PIK3C2A: variants seen among roughly 807,000 people sequenced by gnomAD.
PIK3C2A encodes the protein phosphatidylinositol-4-phosphate 3-kinase catalytic subunit type 2 alpha, also known as phosphatidylinositol 4-phosphate 3-kinase C2 domain-containing subunit alpha.
Under a neutral mutation model 204.5 loss-of-function variants are expected in PIK3C2A, and 97 were observed. The observed-to-expected ratio is 0.47, with a 90% confidence interval of 0.40 to 0.56. The LOEUF is 0.56. Ranked by LOEUF, PIK3C2A falls within the 20% of genes least tolerant of loss-of-function variation. The pLI is 0.00. For missense variants in PIK3C2A, 1,735 were observed against 1,969.2 expected, an observed-to-expected ratio of 0.88 and a Z score of 2.25; for synonymous variants, 653 against 664.4, an observed-to-expected ratio of 0.98 and a Z score of 0.26.
chr11:17,126,142 CAAAA>C (rs932999697), intron 13 of PIK3C2A, among the ~76,000 whole-genome samples: 2 of 151,674 alleles, frequency 1.3e-5, no homozygotes, highest in African/African-American at 4.8e-5. Context: ...AAAACAAAAA[CAAAA>C]AAAACTTTGC....
At chr11:17,203,172 T>C (rs1232726906) in intron 1 of PIK3C2A, among the ~76,000 whole-genome samples, 3 of 152,158 alleles carry the variant, frequency 2.0e-5, no homozygotes, top group East Asian at 3.8e-4. Flanking sequence ...TGCACTCTCA[T>C]TGTGTTTTAA....
chr11:17,146,179 T>C (rs1245221288), intron 6 of PIK3C2A, among the ~76,000 whole-genome samples: 1 of 152,222 alleles, frequency 6.6e-6, no homozygotes, highest in African/African-American at 2.4e-5. Flanking sequence ...TCAAGCCTAC[T>C]TTCAGATATA....
intron 28 of PIK3C2A, among the ~76,000 whole-genome samples, chr11:17,092,889 A>C (rs1012163666): frequency 1.3e-5 from 2 of 152,186 alleles, no homozygotes; most frequent in African/African-American, 4.8e-5. Flanking sequence ...ATTTTCTAAT[A>C]TTTCTTCTCA....
chr11:17,131,532 C>T (rs1430750502), intron 12 of PIK3C2A, among the ~76,000 whole-genome samples: 1 of 150,182 alleles, frequency 6.7e-6, no homozygotes, highest in Non-Finnish European at 1.5e-5. Flanking sequence ...TGACATTCTC[C>T]TGCCTCAGCC....
chr11:17,179,826 C>T (rs1054124480), intron 1 of PIK3C2A, among the ~76,000 whole-genome samples: 3 of 152,056 alleles, frequency 2.0e-5, no homozygotes, highest in African/African-American at 7.2e-5. Flanking sequence ...ATTGCCCAGG[C>T]TGATCTCGAA....
chr11:17,194,367 T>A (rs1474077398), intron 1 of PIK3C2A: 1 of 244,330 alleles, frequency 4.1e-6, no homozygotes, highest in African/African-American at 2.2e-5. Context: ...GGCTGCCGTC[T>A]GCATGGGGCT....
Position 17,143,608 on chromosome 11 carries a change from CAAGA to C in PIK3C2A, c.1704+2056_1704+2059del, listed in dbSNP as rs1850134298. On this transcript the variant is annotated intron_variant, in intron 8 of 32. Transcript: ENST00000691414. ...AGTGTTGGAGCACAAATGTAAATGACAAGAAAGAATATGTTAAAAAAAAAAAAAA... is the reference window on the plus strand; with the variant it reads ...AGTGTTGGAGCACAAATGTAAATGACAAGAATATGTTAAAAAAAAAAAAAA... 2.3e-5 allele frequency among the ~76,000 whole-genome samples: 3 copies of C among 131,686 alleles called. No individual in the cohort carries two copies. In the South Asian group the frequency reaches 7.4e-4, roughly 33 times the overall value. The allele number at this position is 131,686 out of a possible 152,430, so 86.4% of individuals were successfully genotyped here.
Position 17,097,125 on chromosome 11 carries a change from G to T in PIK3C2A, c.4258C>A (p.Gln1420Lys), listed in dbSNP as rs2137274469. ...SFSPKTYSFR[Q>K]DGRIKEVSVF... The stretch of plus-strand genomic sequence containing the variant: ...GAGACTTCCTTGATTCGACCATCTT[G>T]TCTAAAGGAGTATGTTTTAGGTGAA... Residue 1420 changes from glutamine to lysine, a missense_variant, in exon 27 of 33, where the codon CAA becomes AAA. Gln to Lys is a moderately conservative substitution (Grantham distance 53). This residue lies in a region of PIK3C2A where 503 missense variants were observed against 669.0 expected (regional missense o/e 0.75). Transcript: ENST00000691414. 1 of 1,609,164 alleles carries T rather than the reference G, an allele frequency of 6.2e-7. No individual in the cohort carries two copies. The highest frequency in any genetic ancestry group is 1.3e-5 in the African/African-American group (1 of 74,918).
chr11:17,165,837 G>C (rs1212221897), intron 2 of PIK3C2A, among the ~76,000 whole-genome samples: 1 of 144,302 alleles, frequency 6.9e-6, no homozygotes, highest in African/African-American at 2.5e-5. Context: ...AGATGGGTTT[G>C]AATGTCAGAA....
intron 8 of PIK3C2A, 63 bp from the exon 9 acceptor site, chr11:17,136,688 C>G (rs553320625): frequency 1.1e-6 from 1 of 887,198 alleles, no homozygotes; most frequent in Non-Finnish European, 1.7e-6. Flanking sequence ...ATTCCAGAGA[C>G]GAAGTCAGAA....
At position 17,131,946 on chromosome 11, in the gene PIK3C2A, T is replaced by G; in HGVS notation, c.2201A>C (p.Asn734Thr). ...ATCCCATTTAATAAGATAGAAGAAA[T>G]TCTTGTAAGTGCCAACCTTCTTTGA... ...IQSKKVGTYK[N>T]FFYLIKWDEL... Residue 734 changes from asparagine to threonine, a missense_variant, in exon 12 of 33, where the codon AAT becomes ACT. Coordinates refer to ENST00000691414, the MANE Select transcript of PIK3C2A (RefSeq NM_002645.4). 2.5e-6 allele frequency: 4 copies of G among 1,600,008 alleles called. No homozygotes were observed. The highest frequency in any genetic ancestry group is 3.4e-6 in the Non-Finnish European group (4 of 1,172,768).
At chr11:17,178,029 G>A (rs779750805) in intron 1 of PIK3C2A, among the ~76,000 whole-genome samples, 4 of 141,916 alleles carry the variant, frequency 2.8e-5, no homozygotes, top group Non-Finnish European at 6.0e-5. Context: ...GGAGGTGTAT[G>A]TTGCAGTGAG....
chr11:17,179,108 G>A (rs1167635649), intron 1 of PIK3C2A, among the ~76,000 whole-genome samples: 1 of 150,946 alleles, frequency 6.6e-6, no homozygotes, highest in Non-Finnish European at 1.5e-5. Context: ...CAGGTAATCC[G>A]CCCATCTCAG....
At chr11:17,091,092 A>C (rs1468753330) in intron 32 of PIK3C2A, among the ~76,000 whole-genome samples, 1 of 151,964 alleles carries the variant, frequency 6.6e-6, no homozygotes, top group African/African-American at 2.4e-5. Context: ...GGACACAGAG[A>C]AGGGGACAAC....
chr11:17,112,101 GAATTA>G (rs1291757429), intron 21 of PIK3C2A, among the ~76,000 whole-genome samples: 2 of 151,962 alleles, frequency 1.3e-5, no homozygotes, highest in Non-Finnish European at 2.9e-5. Flanking sequence ...CCAACTCATT[GAATTA>G]AACTAAAATT....
At position 17,097,198 on chromosome 11, in the gene PIK3C2A, C is replaced by T. The variant is rs1848480870; in HGVS notation, c.4185G>A (p.Gln1395=). The T allele has an allele frequency of 6.2e-7, 1 of 1,613,600 alleles. No homozygotes were observed. The highest frequency in any genetic ancestry group is 1.3e-5 in the African/African-American group (1 of 74,902). ...TAGAAGGAAGACCAGAAAAACGAAG[C>T]TGAGCAAGGTTGTGAATGAAGAAGT... is the stretch of plus-strand genomic sequence containing the variant. ...KFNFFIHNLA[Q]LRFSGLPSND... Residue 1395 remains glutamine, a synonymous_variant, in exon 27 of 33, where the codon CAG becomes CAA. Transcript: ENST00000691414.
intron 1 of PIK3C2A, among the ~76,000 whole-genome samples, chr11:17,196,527 A>C (rs1262197145): frequency 6.6e-6 from 1 of 152,182 alleles, no homozygotes; most frequent in Non-Finnish European, 1.5e-5. Context: ...AGGAGAAAAG[A>C]ACAGTAATGT....
intron 1 of PIK3C2A, among the ~76,000 whole-genome samples, chr11:17,189,600 T>C (rs908686717): frequency 7.7e-6 from 1 of 130,428 alleles, no homozygotes; most frequent in Admixed American, 7.1e-5. Flanking sequence ...ATTTTTAGTA[T>C]ATTCACAGGC....
intron 8 of PIK3C2A, among the ~76,000 whole-genome samples, chr11:17,140,377 T>C (rs1392060870): frequency 1.3e-5 from 2 of 152,234 alleles, no homozygotes; most frequent in Non-Finnish European, 2.9e-5. Context: ...ATAACAGCAT[T>C]ATTCATGATA....
Sources: gnomAD v4.1 joint callset for allele counts (sites outside exome capture counted in the v4.1 genomes callset) on GRCh38, gnomAD v4.1.1 for gene constraint, gnomAD v4.1.1 regional missense constraint, MANE v1.5 for transcripts, NCBI Gene and HGNC (gene_info 2026-07-23, HGNC 2026-07-21) for gene names.